Variants in AXIN2 observed in about 807,000 individuals in gnomAD.
The protein encoded by AXIN2 is axin-2.
A neutral mutation model predicts 74.7 loss-of-function variants in AXIN2; 21 were observed. The observed-to-expected ratio is 0.28, with a 90% CI of 0.20 to 0.40. AXIN2 has a LOEUF of 0.40. Ranked by LOEUF, AXIN2 falls within the 10% of genes least tolerant of loss-of-function variation. The probability of loss-of-function intolerance (pLI) is 1.00; values close to 1 mark genes in which losing one functional copy is unlikely to be tolerated. For missense variants in AXIN2, 1,144 were observed against 1,111.1 expected (o/e 1.03, Z -0.42); for synonymous variants, 532 against 454.9 (o/e 1.17, Z -2.16).
rs146238336 is a variant in AXIN2, at chr17:65,558,379, G to A, written c.242C>T (p.Ser81Phe). ...PDSPLTRWTK[S>F]LHSLLGDQDG... ...TTGATCGCCCAATAAGGAGTGTAAGGACTTGGTCCACCGGGTCAGAGGGGA... is the reference window on the plus strand; with the variant it reads ...TTGATCGCCCAATAAGGAGTGTAAGAACTTGGTCCACCGGGTCAGAGGGGA... The change falls in exon 2 of 11, where the codon TCC becomes TTC. Residue 81 changes from serine to phenylalanine, a missense_variant. Physicochemically the swap from Ser to Phe is radical, Grantham distance 155 (BLOSUM62 -2). Transcript: ENST00000307078. 60 of 1,610,738 alleles carry A rather than the reference G, an allele frequency of 3.7e-5. No individual in the cohort carries two copies. Among genetic ancestry groups the A allele is most frequent in the Non-Finnish European group, 2.5e-6 (3 of 1,177,496 alleles).
rs2044144528 is a variant in AXIN2, at chr17:65,548,311, CTCA to C, written c.956+1206_956+1208del. Among the ~76,000 whole-genome samples the C allele has an allele frequency of 2.6e-5, 4 of 152,326 alleles. No individual in the cohort carries two copies. The South Asian group carries it at 8.3e-4, about 32-fold the overall frequency. Reference sequence around the variant, plus strand: ...ATAAATAGTAGGTTCCCAAACTCACCTCATCAACTTTCCCTCCAACTGGTCCCA... The same window carrying C: ...ATAAATAGTAGGTTCCCAAACTCACCTCAACTTTCCCTCCAACTGGTCCCA... On this transcript the variant is annotated intron_variant, in intron 3 of 10. Coordinates refer to ENST00000307078, the MANE Select transcript of AXIN2 (RefSeq NM_004655.4).
intron 3 of AXIN2, among the ~76,000 whole-genome samples, chr17:65,544,291 G>T (rs1410249504): frequency 1.3e-5 from 2 of 151,774 alleles, no homozygotes; most frequent in East Asian, 1.9e-4. Flanking sequence ...ACAGGATGGG[G>T]GTAGGGATGG....
intron 2 of AXIN2, among the ~76,000 whole-genome samples, chr17:65,555,585 C>G (rs1219987163): frequency 6.6e-6 from 1 of 152,138 alleles, no homozygotes; most frequent in Non-Finnish European, 1.5e-5. Context: ...CAAAACGTTT[C>G]TCTCTACAAA....
At chr17:65,535,605 A>ATGTCAGG in intron 9 of AXIN2, 21 bp downstream of exon 9, 1 of 1,605,698 alleles carries the variant, frequency 6.2e-7, no homozygotes, top group South Asian at 1.1e-5. Context: ...GATCTCAGTA[A>ATGTCAGG]TGTCAGGTAA....
rs1598110303 is a variant in AXIN2, at chr17:65,549,523, C to G, written c.953G>C (p.Ser318Thr). The change falls in exon 3 of 11, where the codon AGT (serine) becomes ACT (threonine). Residue 318 changes from serine (S) to threonine (T), a missense_variant. Ser to Thr is a moderately conservative substitution (Grantham distance 58). Around this residue, in one of 4 missense-constraint regions of AXIN2, gnomAD observed 1,053 missense variants for 973.5 expected, o/e 1.08. Transcript: ENST00000307078. Reference sequence around the variant, plus strand: ...GAAGGGTGGCCAGGATACTCACACACTGCTGTCCGTCATGGACATGGAATC... The same window carrying G: ...GAAGGGTGGCCAGGATACTCACACAGTGCTGTCCGTCATGGACATGGAATC... The part of the protein sequence containing the change: ...TDDSMSMTDS[S>T]VDGIPPYRVG... 6.2e-7 allele frequency: 1 copy of G among 1,612,796 alleles called. No individual in the cohort carries two copies. Among genetic ancestry groups the G allele is most frequent in the South Asian group, 1.1e-5 (1 of 90,648 alleles).
At chr17:65,552,227 ACT>A (rs911198464) in intron 2 of AXIN2, among the ~76,000 whole-genome samples, 4 of 152,120 alleles carry the variant, frequency 2.6e-5, no homozygotes, top group Non-Finnish European at 4.4e-5. Context: ...GAGAAGGGGG[ACT>A]CTCTGTTCAG....
intron 4 of AXIN2, 126 bp from the exon 5 acceptor site, chr17:65,538,469 C>T: frequency 7.7e-7 from 1 of 1,302,820 alleles, no homozygotes; most frequent in Admixed American, 2.1e-5. Flanking sequence ...GAGTGGATGG[C>T]AAGGCGGCCT....
intron 1 of AXIN2, chr17:65,560,744 T>C (rs563815304): frequency 6.6e-6 from 1 of 151,082 alleles, no homozygotes; most frequent in African/African-American, 2.4e-5. Flanking sequence ...CGCCCCGAAA[T>C]AGCCGGCCTG....
At chr17:65,534,316 CT>C (rs2043873303) in intron 9 of AXIN2, among the ~76,000 whole-genome samples, 1 of 152,218 alleles carries the variant, frequency 6.6e-6, no homozygotes, top group South Asian at 2.1e-4. Context: ...GGATGATTTC[CT>C]TTTGGTTGTA....
chr17:65,533,116 C>T (rs544808833), intron 10 of AXIN2, among the ~76,000 whole-genome samples: 15 of 152,312 alleles, frequency 9.8e-5, no homozygotes, highest in African/African-American at 3.6e-4. Context: ...TCCTCCTCAG[C>T]TCTTGAACCC....
At position 65,529,834 on chromosome 17, in the gene AXIN2, C is replaced by T. The variant is rs1309683586; in HGVS notation, c.*142G>A. On this transcript the variant is annotated 3_prime_UTR_variant, in exon 11 of 11. Transcript: ENST00000307078. ...CAACCTCCCCCCGCCCTCCCGAAGGCCCACTGGCCGATTCTTCCTTAGACT... is the reference window on the plus strand; with the variant it reads ...CAACCTCCCCCCGCCCTCCCGAAGGTCCACTGGCCGATTCTTCCTTAGACT... 1 of 1,416,602 alleles carries T rather than the reference C, an allele frequency of 7.1e-7. No individual in the cohort carries two copies. The highest frequency in any genetic ancestry group is 1.4e-5 in the African/African-American group (1 of 70,658). 87.8% of individuals were successfully genotyped at this position (1,416,602 alleles called of 1,614,324 possible). A position where few individuals can be genotyped will look rare whatever the true frequency, so the allele number is the denominator to read the frequency against.
At chr17:65,551,595 T>G (rs1238493189) in intron 2 of AXIN2, among the ~76,000 whole-genome samples, 2 of 152,116 alleles carry the variant, frequency 1.3e-5, no homozygotes, top group African/African-American at 4.8e-5. Context: ...ACCGCCACAA[T>G]TTGGTGTGAG....
At chr17:65,546,459 A>G (rs1307014563) in intron 3 of AXIN2, among the ~76,000 whole-genome samples, 1 of 152,132 alleles carries the variant, frequency 6.6e-6, no homozygotes, top group Non-Finnish European at 1.5e-5. Flanking sequence ...AACACATTGC[A>G]TCGCCAAGTC....
intron 4 of AXIN2, among the ~76,000 whole-genome samples, chr17:65,540,879 CTTTT>C (rs2044030934): frequency 1.0e-5 from 1 of 100,482 alleles, no homozygotes; most frequent in Non-Finnish European, 2.7e-5. Context: ...AAATAAACCT[CTTTT>C]CTTTGTTTTT....
chr17:65,533,009 G>C (rs908240697), intron 10 of AXIN2, among the ~76,000 whole-genome samples: 1 of 152,224 alleles, frequency 6.6e-6, no homozygotes, highest in African/African-American at 2.4e-5. Flanking sequence ...CCATGGAGAG[G>C]GGCAAGGGAG....
Position 65,537,037 on chromosome 17 carries a change from T to C in AXIN2, c.1739A>G (p.Lys580Arg), listed in dbSNP as rs772490357. 5.0e-6 allele frequency: 8 copies of C among 1,608,376 alleles called. No homozygotes were observed. In the Admixed American group the frequency reaches 6.7e-5, roughly 13 times the overall value. The change falls in exon 7 of 11, where the codon AAA becomes AGA. Residue 580 changes from lysine to arginine, a missense_variant. Physicochemically the swap from Lys to Arg is conservative, Grantham distance 26. Around this residue, in one of 4 missense-constraint regions of AXIN2, gnomAD observed 1,053 missense variants for 973.5 expected, o/e 1.08. Coordinates refer to ENST00000307078, the MANE Select transcript of AXIN2 (RefSeq NM_004655.4). ...CGGCTCCGTGCCTTTCCCATTGCGT[T>C]TGGGCAAGGTACTGCCTCTGCTGCC... ...FGGSRGSTLPKRNGKGTEPGL... is the reference protein window; with the variant it reads ...FGGSRGSTLPRRNGKGTEPGL...
intron 3 of AXIN2, among the ~76,000 whole-genome samples, chr17:65,547,832 TGAAAAGA>T (rs1401519236): frequency 7.2e-5 from 11 of 151,916 alleles, no homozygotes; most frequent in Non-Finnish European, 1.3e-4. Context: ...GCAGGGAGAA[TGAAAAGA>T]GAAAAGAGAA....
intron 2 of AXIN2, 149 bp from the exon 3 acceptor site, chr17:65,549,809 G>A: frequency 9.2e-7 from 1 of 1,082,276 alleles, no homozygotes; most frequent in Non-Finnish European, 1.4e-6. Flanking sequence ...TGGGCAGAAA[G>A]CAGGGGCCAC....
intron 6 of AXIN2, 130 bp from the exon 7 acceptor site, chr17:65,537,193 C>T (rs2043940895): frequency 6.5e-7 from 1 of 1,544,860 alleles, no homozygotes. Context: ...CCCGCACCCT[C>T]ACCCGGCCGT....
Sources: gnomAD v4.1 joint callset for allele counts (sites outside exome capture counted in the v4.1 genomes callset) on GRCh38, gnomAD v4.1.1 for gene constraint, gnomAD v4.1.1 regional missense constraint, MANE v1.5 for transcripts, NCBI Gene and HGNC (gene_info 2026-07-23, HGNC 2026-07-21) for gene names.